The following CSMD1 variants were observed in gnomAD, a reference collection of about 807,000 sequenced individuals.
CSMD1 encodes the protein CUB and sushi domain-containing protein 1.
A neutral mutation model predicts 417.5 loss-of-function variants in CSMD1; 213 were observed. The ratio of observed to expected loss-of-function variants is 0.51; its 90% CI spans 0.46 to 0.57. CSMD1 has a LOEUF of 0.57. Ranked by LOEUF, CSMD1 falls within the 20% of genes least tolerant of loss-of-function variation. The probability of loss-of-function intolerance (pLI) is 0.00; values close to 1 mark genes in which losing one functional copy is unlikely to be tolerated. For missense variants in CSMD1, 6,923 were observed against 4,529.7 expected (o/e 1.53, Z -15.17); for synonymous variants, 2,862 against 1,736.8 (o/e 1.65, Z -16.11).
intron 28 of CSMD1, among the ~76,000 whole-genome samples, chr8:3,220,662 C>T (rs1042644958): frequency 6.6e-6 from 1 of 152,184 alleles, no homozygotes; most frequent in Admixed American, 6.6e-5. Flanking sequence ...GAAACCCTCT[C>T]TCTACTAAAA....
intron 7 of CSMD1, among the ~76,000 whole-genome samples, chr8:3,668,430 C>T (rs1351348197): frequency 6.6e-6 from 1 of 152,038 alleles, no homozygotes; most frequent in Non-Finnish European, 1.5e-5. Flanking sequence ...ACAGTGTAAG[C>T]TGAAGAGATG....
intron 2 of CSMD1, among the ~76,000 whole-genome samples, chr8:4,426,470 G>C (rs186655673): frequency 6.8e-6 from 1 of 147,590 alleles, no homozygotes; most frequent in Non-Finnish European, 1.5e-5. Context: ...ACAGACTACA[G>C]TTTATATATA....
intron 23 of CSMD1, among the ~76,000 whole-genome samples, chr8:3,326,743 G>A (rs1345343597): frequency 2.6e-5 from 4 of 152,160 alleles, no homozygotes; most frequent in Non-Finnish European, 4.4e-5. Flanking sequence ...TGCTTAGACT[G>A]CCTCATCTAT....
intron 6 of CSMD1, among the ~76,000 whole-genome samples, chr8:3,723,558 C>G (rs1342635154): frequency 3.3e-5 from 5 of 152,108 alleles, no homozygotes; most frequent in Non-Finnish European, 7.4e-5. Context: ...GCTATTGTTA[C>G]CTAAACAATT....
intron 8 of CSMD1, among the ~76,000 whole-genome samples, chr8:3,588,259 C>T (rs1333126076): frequency 1.3e-5 from 2 of 151,836 alleles, no homozygotes; most frequent in Admixed American, 6.6e-5. Context: ...AGCACAAAGC[C>T]ACAATCTCAT....
At chr8:3,367,898 A>C (rs1202634461) in intron 19 of CSMD1, among the ~76,000 whole-genome samples, 1 of 152,196 alleles carries the variant, frequency 6.6e-6, no homozygotes, top group East Asian at 1.9e-4. Flanking sequence ...AGAGGGACAA[A>C]GGACCAGACA....
chr8:3,825,346 A>G (rs1207220408), intron 5 of CSMD1, among the ~76,000 whole-genome samples: 2 of 152,128 alleles, frequency 1.3e-5, no homozygotes, highest in African/African-American at 4.8e-5. Flanking sequence ...CTTGGCCAAC[A>G]TGGTGAAACC....
At chr8:3,810,958 T>A (rs1801034593) in intron 5 of CSMD1, among the ~76,000 whole-genome samples, 1 of 152,204 alleles carries the variant, frequency 6.6e-6, no homozygotes, top group Non-Finnish European at 1.5e-5. Context: ...TAACGTTTGT[T>A]CTTTATTAAT....
intron 17 of CSMD1, among the ~76,000 whole-genome samples, chr8:3,394,399 T>C (rs1481364971): frequency 6.6e-6 from 1 of 151,822 alleles, no homozygotes; most frequent in Non-Finnish European, 1.5e-5. Flanking sequence ...AAGACATTTA[T>C]TTAAATGACT....
rs185480068 is a variant in CSMD1, at chr8:3,203,477, A to T, written c.4985-1752T>A. On this transcript the variant is annotated intron_variant, in intron 31 of 69. Transcript: ENST00000635120. Reference sequence around the variant, plus strand: ...CGGGAACTGTCAATGCTTCATGGTGAGGGGATGGCACTATCAGCAAGAAGG... The same window carrying T: ...CGGGAACTGTCAATGCTTCATGGTGTGGGGATGGCACTATCAGCAAGAAGG... 1.5e-3 allele frequency among the ~76,000 whole-genome samples: 232 copies of T among 152,306 alleles called. 1 individual carries two copies. Among genetic ancestry groups the T allele is most frequent in the African/African-American group, 5.2e-3 (218 of 41,586 alleles).
chr8:4,597,684 T>C (rs1486986029), intron 2 of CSMD1, among the ~76,000 whole-genome samples: 4 of 152,162 alleles, frequency 2.6e-5, no homozygotes, highest in Non-Finnish European at 5.9e-5. Context: ...TGTTAAAGGA[T>C]ATTATTAACT....
rs1235768005 is a variant in CSMD1, at chr8:3,779,163, G to C, written c.819-25121C>G. Among the ~76,000 whole-genome samples, 3 of 151,038 alleles carry C rather than the reference G, an allele frequency of 2.0e-5. No individual in the cohort carries two copies. The Admixed American group carries it at 2.1e-4, about 10-fold the overall frequency. On this transcript the variant is annotated intron_variant, in intron 5 of 69. Coordinates refer to ENST00000635120, the MANE Select transcript of CSMD1 (RefSeq NM_033225.6). ...TGCGTGCATACTTGTGTGTGTGTGTGTGTGTGTGTGTGTGTGTGTGTATGT... is the reference window on the plus strand; with the variant it reads ...TGCGTGCATACTTGTGTGTGTGTGTCTGTGTGTGTGTGTGTGTGTGTATGT...
At chr8:3,387,414 C>T (rs891924475) in intron 18 of CSMD1, 80 bp downstream of exon 18, 9 of 1,244,168 alleles carry the variant, frequency 7.2e-6, no homozygotes, top group Non-Finnish European at 1.0e-5. Context: ...CCCTGAAATA[C>T]ACACACCACC....
intron 3 of CSMD1, among the ~76,000 whole-genome samples, chr8:4,256,160 G>T (rs898350152): frequency 1.3e-5 from 2 of 152,204 alleles, no homozygotes; most frequent in Non-Finnish European, 2.9e-5. Flanking sequence ...GCCTGCCAGA[G>T]CTTTTTATGC....
At chr8:3,443,759 T>C (rs974352933) in intron 12 of CSMD1, among the ~76,000 whole-genome samples, 1 of 152,222 alleles carries the variant, frequency 6.6e-6, no homozygotes, top group African/African-American at 2.4e-5. Context: ...TTAAAGGACC[T>C]TGAAATACAG....
chr8:4,871,301 T>C (rs997504008), intron 1 of CSMD1, among the ~76,000 whole-genome samples: 1 of 152,172 alleles, frequency 6.6e-6, no homozygotes, highest in African/African-American at 2.4e-5. Flanking sequence ...AATGCACTTC[T>C]TGCCTTCTTT....
rs775689188 is a variant in CSMD1 at position 3,409,532 on chromosome 8, A to C, written c.1635T>G (p.His545Gln). Residue 545 changes from histidine to glutamine, a missense_variant, in exon 13 of 70, where the codon CAT becomes CAG. Coordinates refer to ENST00000635120, the MANE Select transcript of CSMD1 (RefSeq NM_033225.6). The stretch of plus-strand genomic sequence containing the variant: ...GGCATTCAAAGGTGAGTGTATCTCC[A>C]TGGAGGAAACTGCTGCCCGTCCGCT... ...YGKRTGSSFL[H>Q]GDTLTFECPA... The C allele has an allele frequency of 6.2e-7, 1 of 1,611,520 alleles. No individual in the cohort carries two copies. Among genetic ancestry groups the C allele is most frequent in the Non-Finnish European group, 8.5e-7 (1 of 1,178,918 alleles).
At position 3,934,659 on chromosome 8, in the gene CSMD1, G is replaced by T. The variant is rs141070641; in HGVS notation, c.818+63244C>A. Among the ~76,000 whole-genome samples the T allele has an allele frequency of 6.1e-3, 929 of 152,110 alleles. 13 individuals carry two copies. Among genetic ancestry groups the T allele is most frequent in the African/African-American group, 0.022 (902 of 41,488 alleles). On this transcript the variant is annotated intron_variant, in intron 5 of 69. Coordinates refer to ENST00000635120, the MANE Select transcript of CSMD1 (RefSeq NM_033225.6). ...ACCTCAGGTCAGGAGTTCGAGACCA[G>T]CCTGGCCAACATGATGAAACCCTGT...
At chr8:4,968,708 T>G (rs1810040523) in intron 1 of CSMD1, among the ~76,000 whole-genome samples, 1 of 152,158 alleles carries the variant, frequency 6.6e-6, no homozygotes, top group African/African-American at 2.4e-5. Context: ...CCTCTACCAG[T>G]GGCAGCAGAT....
Sources: gnomAD v4.1 joint callset for allele counts (sites outside exome capture counted in the v4.1 genomes callset) on GRCh38, gnomAD v4.1.1 for gene constraint, MANE v1.5 for transcripts, NCBI Gene and HGNC (gene_info 2026-07-23, HGNC 2026-07-21) for gene names.